KLHL2: variants seen among roughly 807,000 people sequenced by gnomAD.
KLHL2 encodes kelch like family member 2, also known as kelch-like protein 2.
A neutral mutation model predicts 75.8 loss-of-function variants in KLHL2; 15 were observed. The observed-to-expected ratio is 0.20, with a 90% CI of 0.13 to 0.30. The LOEUF (loss-of-function observed/expected upper bound fraction) is 0.30, where lower values mean the gene tolerates loss of function less well. KLHL2 is among the 10% of genes least tolerant of loss of function. The pLI is 1.00. For synonymous variants in KLHL2, 214 were observed against 251.9 expected (o/e 0.85, Z 1.42); for missense variants, 381 against 741.0 (o/e 0.51, Z 5.64).
chr4:165,252,256 T>C (rs1740796971), intron 4 of KLHL2, among the ~76,000 whole-genome samples: 1 of 151,814 alleles, frequency 6.6e-6, no homozygotes, highest in Non-Finnish European at 1.5e-5. Context: ...TGATGTTGTT[T>C]AGGTATGGAG....
intron 5 of KLHL2, chr4:165,278,131 T>C (rs1743299415): frequency 6.5e-7 from 1 of 1,542,024 alleles, no homozygotes; most frequent in East Asian, 2.2e-5. Context: ...TCATCACAGC[T>C]TTCTTCCATG....
intron 5 of KLHL2, among the ~76,000 whole-genome samples, chr4:165,267,444 G>A (rs1469028309): frequency 6.6e-6 from 1 of 152,024 alleles, no homozygotes; most frequent in Non-Finnish European, 1.5e-5. Flanking sequence ...TATTGGCTGT[G>A]GGTTTGTCAT....
chr4:165,222,025 C>G (rs1738035838), intron 2 of KLHL2, among the ~76,000 whole-genome samples: 1 of 151,720 alleles, frequency 6.6e-6, no homozygotes, highest in Admixed American at 6.6e-5. Flanking sequence ...TTCAAATGTT[C>G]TTTTTCCCCA....
At chr4:165,317,714 C>T in intron 13 of KLHL2, 112 bp from the exon 14 acceptor site, 1 of 785,828 alleles carries the variant, frequency 1.3e-6, no homozygotes, top group Non-Finnish European at 2.1e-6. Flanking sequence ...TCTCTTCTTG[C>T]CTCCTTTCAA....
intron 5 of KLHL2, among the ~76,000 whole-genome samples, chr4:165,285,894 T>C (rs1049094002): frequency 9.2e-5 from 14 of 152,196 alleles, no homozygotes; most frequent in Non-Finnish European, 2.9e-5. Context: ...AGCAGGTGTC[T>C]GGAGGAGGTC....
intron 3 of KLHL2, among the ~76,000 whole-genome samples, chr4:165,236,709 A>G (rs1210414346): frequency 6.6e-6 from 1 of 152,236 alleles, no homozygotes. Context: ...TTTTTAAACC[A>G]TTAATACAGT....
At chr4:165,254,976 T>C (rs1741049378) in intron 4 of KLHL2, among the ~76,000 whole-genome samples, 1 of 152,252 alleles carries the variant, frequency 6.6e-6, no homozygotes, top group African/African-American at 2.4e-5. Flanking sequence ...GCTGATGTGC[T>C]ACATGGTCAT....
At chr4:165,307,222 C>T (rs1164864533) in intron 9 of KLHL2, among the ~76,000 whole-genome samples, 8 of 152,136 alleles carry the variant, frequency 5.3e-5, no homozygotes, top group Middle Eastern at 3.2e-3. Flanking sequence ...GCAGGAGAAT[C>T]GCTTGAACCT....
intron 1 of KLHL2, among the ~76,000 whole-genome samples, chr4:165,218,077 C>G (rs1344926225): frequency 6.6e-6 from 1 of 152,148 alleles, no homozygotes; most frequent in African/African-American, 2.4e-5. Flanking sequence ...TTTTCATCAC[C>G]TCCACTGCGA....
chr4:165,250,810 T>A (rs922463091), intron 4 of KLHL2, among the ~76,000 whole-genome samples: 3 of 152,150 alleles, frequency 2.0e-5, no homozygotes, highest in African/African-American at 7.2e-5. Context: ...TGACTTTTCC[T>A]TCCCTCTTTA....
At chr4:165,297,960 A>C (rs948001931) in intron 7 of KLHL2, among the ~76,000 whole-genome samples, 5 of 150,786 alleles carry the variant, frequency 3.3e-5, no homozygotes, top group African/African-American at 4.9e-5. Flanking sequence ...AGTAGCTGGG[A>C]CTACAGGTGC....
At chr4:165,261,688 C>T (rs1363222839) in intron 4 of KLHL2, among the ~76,000 whole-genome samples, 1 of 152,200 alleles carries the variant, frequency 6.6e-6, no homozygotes, top group Non-Finnish European at 1.5e-5. Context: ...GATACTGTTT[C>T]TATTTTTTCT....
At chr4:165,209,075 G>A (rs1737030865) in intron 1 of KLHL2, among the ~76,000 whole-genome samples, 1 of 152,204 alleles carries the variant, frequency 6.6e-6, no homozygotes, top group Non-Finnish European at 1.5e-5. Context: ...ACAGGTCGTG[G>A]AAATCTAGGG....
At position 165,311,465 on chromosome 4, in the gene KLHL2, T is replaced by C. The variant is rs1422672415; in HGVS notation, c.1239T>C (p.Gly413=). The C allele has an allele frequency of 1.9e-6, 3 of 1,605,092 alleles. No individual in the cohort carries two copies. The highest frequency in any genetic ancestry group is 2.6e-6 in the Non-Finnish European group (3 of 1,172,918). ...GAAGACTATTGTGCTTTATTATAGG[T>C]TTGTCATCTGTGGAAGCATACAACA... ...YAVGGFDGST[G]LSSVEAYNIK... is the part of the protein sequence containing the mutation. Residue 413 remains glycine (G), a splice_region_variant and synonymous_variant, in exon 11 of 15, where the codon GGT becomes GGC. Coordinates refer to ENST00000226725, the MANE Select transcript of KLHL2 (RefSeq NM_007246.4).
intron 4 of KLHL2, among the ~76,000 whole-genome samples, chr4:165,257,872 AACATCAGTGCTG>A (rs1741311155): frequency 6.6e-6 from 1 of 151,900 alleles, no homozygotes; most frequent in South Asian, 2.1e-4. Flanking sequence ...ACAAATACAT[AACATCAGTGCTG>A]ACAGCAGTAG....
chr4:165,216,186 A>C (rs923048571), intron 1 of KLHL2, among the ~76,000 whole-genome samples: 1 of 152,196 alleles, frequency 6.6e-6, no homozygotes, highest in East Asian at 1.9e-4. Flanking sequence ...CTGAGAATTC[A>C]GTTATCATCA....
At chr4:165,275,860 C>A (rs113910687) in intron 5 of KLHL2, among the ~76,000 whole-genome samples, 32,956 of 152,054 alleles carry the variant, frequency 0.22, 4,061 homozygotes, top group Non-Finnish European at 0.29. Context: ...GTGGCCCACA[C>A]CTGCAATCCC....
At chr4:165,231,566 C>T (rs1400258544) in intron 3 of KLHL2, among the ~76,000 whole-genome samples, 1 of 152,130 alleles carries the variant, frequency 6.6e-6, no homozygotes, top group Non-Finnish European at 1.5e-5. Flanking sequence ...TGAGGTTCAT[C>T]CGTGTCATAA....
At chr4:165,313,857 C>A (rs558750917) in intron 12 of KLHL2, among the ~76,000 whole-genome samples, 169 bp from the exon 13 acceptor site, 25 of 152,236 alleles carry the variant, frequency 1.6e-4, no homozygotes, top group African/African-American at 6.0e-4. Flanking sequence ...CTTATTTAAT[C>A]ATCAATTGTA....
Sources: gnomAD v4.1 joint callset for allele counts (sites outside exome capture counted in the v4.1 genomes callset) on GRCh38, gnomAD v4.1.1 for gene constraint, MANE v1.5 for transcripts, NCBI Gene and HGNC (gene_info 2026-07-23, HGNC 2026-07-21) for gene names.